Variants in ST3GAL3 observed in about 807,000 individuals in gnomAD.
ST3GAL3 encodes CMP-N-acetylneuraminate-beta-1,4-galactoside alpha-2,3-sialyltransferase.
A neutral mutation model predicts 50.1 loss-of-function variants in ST3GAL3; 21 were observed. The observed-to-expected ratio is 0.42, with a 90% CI of 0.30 to 0.60. The LOEUF (loss-of-function observed/expected upper bound fraction) is 0.60, where lower values mean the gene tolerates loss of function less well. ST3GAL3 is among the 20% of genes least tolerant of loss of function. The pLI, the probability that ST3GAL3 is intolerant of heterozygous loss-of-function variation, is 0.19. For missense variants in ST3GAL3, 353 were observed against 489.4 expected, an observed-to-expected ratio of 0.72 and a Z score of 2.63; for synonymous variants, 183 against 190.0, an observed-to-expected ratio of 0.96 and a Z score of 0.30.
chr1:43,907,530 A>G (rs2080011077), intron 9 of ST3GAL3, among the ~76,000 whole-genome samples: 1 of 152,092 alleles, frequency 6.6e-6, no homozygotes, highest in Admixed American at 6.5e-5. Context: ...TCCTATTCCA[A>G]AGAAATTGCA....
intron 1 of ST3GAL3, among the ~76,000 whole-genome samples, chr1:43,716,774 C>G (rs908087197): frequency 6.6e-6 from 1 of 152,126 alleles, no homozygotes; most frequent in Non-Finnish European, 1.5e-5. Flanking sequence ...AAATTAAACA[C>G]CAAGAGAGGT....
chr1:43,867,743 C>T (rs919622193), intron 5 of ST3GAL3, among the ~76,000 whole-genome samples: 1 of 152,182 alleles, frequency 6.6e-6, no homozygotes, highest in African/African-American at 2.4e-5. Context: ...ATGTCTGGCC[C>T]AGTTGACATA....
chr1:43,861,211 T>G (rs559342340), intron 5 of ST3GAL3, among the ~76,000 whole-genome samples: 2 of 152,354 alleles, frequency 1.3e-5, no homozygotes, highest in African/African-American at 4.8e-5. Context: ...GGACAAGCCC[T>G]TAGTCATGTT....
intron 1 of ST3GAL3, among the ~76,000 whole-genome samples, chr1:43,710,566 G>T (rs751341746): frequency 1.3e-5 from 2 of 152,112 alleles, no homozygotes; most frequent in African/African-American, 4.8e-5. Context: ...TATCTGTTGC[G>T]TTAGGCACAG....
intron 9 of ST3GAL3, among the ~76,000 whole-genome samples, chr1:43,903,490 G>A (rs1301907546): frequency 6.6e-6 from 1 of 152,140 alleles, no homozygotes; most frequent in African/African-American, 2.4e-5. Flanking sequence ...AGCCAGCCTC[G>A]CTGCTGAGCA....
At chr1:43,717,027 G>A (rs1667738530) in intron 1 of ST3GAL3, among the ~76,000 whole-genome samples, 1 of 152,160 alleles carries the variant, frequency 6.6e-6, no homozygotes, top group Non-Finnish European at 1.5e-5. Context: ...TTGCCAATGG[G>A]ATAAATTTCA....
intron 11 of ST3GAL3, among the ~76,000 whole-genome samples, chr1:43,921,187 T>TAG (rs2082974409): frequency 6.6e-6 from 1 of 152,030 alleles, no homozygotes; most frequent in Admixed American, 6.6e-5. Flanking sequence ...TCAGGAACAC[T>TAG]AGTCTAGCAC....
In ST3GAL3 at chr1:43,724,098, CAT is replaced by C. The variant is rs891217109; in HGVS notation, c.-30-12124_-30-12123del. ...TGTGTGTATATGTAATATATGTATG[CAT>C]ATATATATATGCATTCAAATTATAC... is the stretch of plus-strand genomic sequence containing the variant. On this transcript the variant is annotated intron_variant, in intron 1 of 11. Coordinates refer to ENST00000347631, the MANE Select transcript of ST3GAL3 (RefSeq NM_006279.5). Among the ~76,000 whole-genome samples, 745 of 151,396 alleles carry C rather than the reference CAT, an allele frequency of 4.9e-3. 6 individuals carry two copies. The highest frequency in any genetic ancestry group is 0.017 in the African/African-American group (710 of 41,310).
intron 5 of ST3GAL3, among the ~76,000 whole-genome samples, chr1:43,858,738 C>T (rs368395616): frequency 1.3e-5 from 2 of 152,142 alleles, no homozygotes; most frequent in African/African-American, 4.8e-5. Flanking sequence ...CTGGCACCTT[C>T]AGGACTGTGT....
Position 43,898,327 on chromosome 1 carries a change from C to T in ST3GAL3, c.461+29C>T, listed in dbSNP as rs767818491. On this transcript the variant is annotated intron_variant, in intron 7 of 11. Transcript: ENST00000347631. Reference sequence around the variant, plus strand: ...AGCCACACACTGTGCAGCCTCCTACCCACCGCTGCCTGGTGGTGTGCAGAG... The same window carrying T: ...AGCCACACACTGTGCAGCCTCCTACTCACCGCTGCCTGGTGGTGTGCAGAG... 29 of 1,610,958 alleles carry T rather than the reference C, an allele frequency of 1.8e-5. No individual in the cohort carries two copies. The Admixed American group carries it at 4.8e-4, about 27-fold the overall frequency.
At chr1:43,826,458 C>T (rs1426936386) in intron 4 of ST3GAL3, among the ~76,000 whole-genome samples, 2 of 152,130 alleles carry the variant, frequency 1.3e-5, no homozygotes, top group Non-Finnish European at 2.9e-5. Context: ...GCAGAAACAA[C>T]AGTCTCAGAT....
rs148934634 is a variant in ST3GAL3, at chr1:43,792,381, C to T, written c.166+232C>T. Among the ~76,000 whole-genome samples, 23 of 152,288 alleles carry T rather than the reference C, an allele frequency of 1.5e-4. 2 individuals are homozygous for T. The East Asian group carries it at 4.4e-3, about 29-fold the overall frequency. On this transcript the variant is annotated intron_variant, in intron 3 of 11. Transcript: ENST00000347631. ...GCACAGAGGAGTTACAGTAGATGCT[C>T]CCTCTTCATTCAGAGTTGTCAAGAG... is the stretch of plus-strand genomic sequence containing the variant.
At chr1:43,883,043 C>T (rs1423047523) in intron 5 of ST3GAL3, among the ~76,000 whole-genome samples, 1 of 151,848 alleles carries the variant, frequency 6.6e-6, no homozygotes, top group Admixed American at 6.6e-5. Context: ...CTCACTGCAG[C>T]CTCGACCCTT....
chr1:43,875,932 CTTCTTCTTCTTCTTCTTCTTA>C (rs1337523961), intron 5 of ST3GAL3, among the ~76,000 whole-genome samples: 3,011 of 71,638 alleles, frequency 0.042, 48 homozygotes, highest in Admixed American at 0.059. Context: ...TCTTCTTCTT[CTTCTTCTTCTTCTTCTTCTTA>C]TTATTATTAT....
At chr1:43,764,558 G>A (rs949502386) in intron 2 of ST3GAL3, among the ~76,000 whole-genome samples, 2 of 152,138 alleles carry the variant, frequency 1.3e-5, no homozygotes, top group Non-Finnish European at 2.9e-5. Context: ...AGGAAATGAG[G>A]AAGAAGGGAA....
At chr1:43,761,933 A>T (rs1486104067) in intron 2 of ST3GAL3, among the ~76,000 whole-genome samples, 1 of 131,274 alleles carries the variant, frequency 7.6e-6, no homozygotes, top group Non-Finnish European at 1.6e-5. Flanking sequence ...CCTGGGCAAC[A>T]GAGCGACACT....
chr1:43,829,269 A>G (rs1475488017), intron 4 of ST3GAL3, among the ~76,000 whole-genome samples: 1 of 152,242 alleles, frequency 6.6e-6, no homozygotes, highest in Non-Finnish European at 1.5e-5. Context: ...TAAAATGGGA[A>G]GAATAATACC....
chr1:43,820,525 A>G (rs999926617), intron 4 of ST3GAL3, among the ~76,000 whole-genome samples: 2 of 152,200 alleles, frequency 1.3e-5, no homozygotes, highest in Non-Finnish European at 2.9e-5. Flanking sequence ...CAGCCTACAG[A>G]ATGGGAGAAA....
chr1:43,726,761 A>G (rs1571519280), intron 1 of ST3GAL3, among the ~76,000 whole-genome samples: 1 of 151,544 alleles, frequency 6.6e-6, no homozygotes, highest in East Asian at 2.0e-4. Flanking sequence ...TGCCTGGCTA[A>G]TTTTTGTATT....
Sources: allele counts gnomAD v4.1 joint callset (sites outside exome capture counted in the v4.1 genomes callset), GRCh38; gene constraint gnomAD v4.1.1; transcripts MANE v1.5; gene names NCBI Gene and HGNC (gene_info 2026-07-23, HGNC 2026-07-21).